Variants in WWOX observed in about 807,000 individuals in gnomAD.
WWOX encodes the protein WW domain containing oxidoreductase, also known as WW domain-containing oxidoreductase.
Under a neutral mutation model 46.2 loss-of-function variants are expected in WWOX, and 69 were observed. That is an observed-to-expected ratio of 1.49 (90% CI 1.23 to 1.82). The LOEUF (loss-of-function observed/expected upper bound fraction) is 1.82, where lower values mean the gene tolerates loss of function less well. Among genes scored for constraint, WWOX ranks in the 40% most tolerant of loss-of-function variants. The pLI, the probability that WWOX is intolerant of heterozygous loss-of-function variation, is 0.00. For missense variants in WWOX, 919 were observed against 542.6 expected (o/e 1.69, Z -6.89); for synonymous variants, 359 against 202.6 (o/e 1.77, Z -6.56).
chr16:78,293,321 G>A (rs895661044), intron 5 of WWOX, among the ~76,000 whole-genome samples: 3 of 152,186 alleles, frequency 2.0e-5, no homozygotes, highest in African/African-American at 7.2e-5. Context: ...CAGGCATTAA[G>A]GGTTGATTAT....
chr16:79,060,649 T>A (rs1344142235), intron 8 of WWOX, among the ~76,000 whole-genome samples: 1 of 152,254 alleles, frequency 6.6e-6, no homozygotes, highest in Admixed American at 6.5e-5. Context: ...TATTTTCTAG[T>A]CTCATTTTGT....
At chr16:78,240,387 C>G (rs543357762) in intron 5 of WWOX, among the ~76,000 whole-genome samples, 2 of 152,206 alleles carry the variant, frequency 1.3e-5, no homozygotes, top group East Asian at 1.9e-4. Flanking sequence ...TCTGTGAAGT[C>G]AGAGGCAGAG....
chr16:79,040,495 C>T (rs754447068), intron 8 of WWOX, among the ~76,000 whole-genome samples: 2 of 151,984 alleles, frequency 1.3e-5, no homozygotes, highest in African/African-American at 2.4e-5. Flanking sequence ...AGGCTGGTCT[C>T]GAACTCCTGA....
At chr16:78,379,611 C>G (rs1431223180) in intron 5 of WWOX, among the ~76,000 whole-genome samples, 1 of 152,192 alleles carries the variant, frequency 6.6e-6, no homozygotes, top group African/African-American at 2.4e-5. Flanking sequence ...GCAAGGCCCA[C>G]ATGCACAAGA....
At chr16:79,177,109 T>C (rs1286772308) in intron 8 of WWOX, among the ~76,000 whole-genome samples, 1 of 152,236 alleles carries the variant, frequency 6.6e-6, no homozygotes, top group Non-Finnish European at 1.5e-5. Context: ...TCACACTCAG[T>C]GCACAAGTCC....
intron 8 of WWOX, among the ~76,000 whole-genome samples, chr16:78,716,983 C>G (rs981547700): frequency 1.3e-5 from 2 of 152,238 alleles, no homozygotes; most frequent in Admixed American, 1.3e-4. Context: ...TGTTCTCAGT[C>G]GTAAAATTAG....
intron 5 of WWOX, among the ~76,000 whole-genome samples, chr16:78,374,123 A>T (rs531037717): frequency 6.6e-5 from 10 of 152,130 alleles, no homozygotes; most frequent in African/African-American, 2.4e-4. Context: ...ATTTCTTTTT[A>T]TCTGAGTTAC....
chr16:78,937,448 CTTTTTTTTT>C (rs537642648), intron 8 of WWOX, among the ~76,000 whole-genome samples: 10 of 81,988 alleles, frequency 1.2e-4, no homozygotes, highest in African/African-American at 1.6e-4. Flanking sequence ...TTTGTATTAA[CTTTTTTTTT>C]TTTTTTTTTT....
At chr16:78,205,978 C>T (rs993773500) in intron 5 of WWOX, among the ~76,000 whole-genome samples, 13 of 150,258 alleles carry the variant, frequency 8.7e-5, no homozygotes, top group Non-Finnish European at 1.3e-4. Flanking sequence ...CCTTTCTTTC[C>T]TCCCTCCCTT....
chr16:78,107,730 G>C (rs1309154998), intron 1 of WWOX, among the ~76,000 whole-genome samples: 9 of 152,166 alleles, frequency 5.9e-5, no homozygotes, highest in Admixed American at 1.3e-4. Context: ...AGCCACTCAA[G>C]AGGCTGAAAT....
chr16:79,139,926 C>G (rs2050056973), intron 8 of WWOX, among the ~76,000 whole-genome samples: 1 of 152,222 alleles, frequency 6.6e-6, no homozygotes, highest in South Asian at 2.1e-4. Flanking sequence ...AGTTGTAATT[C>G]TCCAAATACG....
intron 8 of WWOX, among the ~76,000 whole-genome samples, chr16:79,044,473 T>G (rs558044850): frequency 7.1e-4 from 108 of 152,226 alleles, no homozygotes; most frequent in Non-Finnish European, 1.5e-3. Context: ...TTTAAAAATG[T>G]GTGGCACAGC....
At chr16:79,085,827 C>G (rs561701692) in intron 8 of WWOX, among the ~76,000 whole-genome samples, 8 of 152,252 alleles carry the variant, frequency 5.3e-5, no homozygotes, top group African/African-American at 1.9e-4. Context: ...TGGAGGATCA[C>G]TTGAGGCCAG....
chr16:78,743,692 C>T (rs971910852), intron 8 of WWOX, among the ~76,000 whole-genome samples: 5 of 152,086 alleles, frequency 3.3e-5, no homozygotes, highest in East Asian at 1.9e-4. Context: ...ACCATTCAGC[C>T]GTTTGCATAG....
Position 78,408,436 on chromosome 16 carries a change from C to A in WWOX, c.606-16434C>A, listed in dbSNP as rs150169881. On this transcript the variant is annotated intron_variant, in intron 6 of 8. Transcript: ENST00000566780. ...GAACCACCCCCACCACATTCCCTCTCCACTGAGAGTTTTCCTTTTAGTTAA... is the reference window on the plus strand; with the variant it reads ...GAACCACCCCCACCACATTCCCTCTACACTGAGAGTTTTCCTTTTAGTTAA... Among the ~76,000 whole-genome samples, 1,180 of 152,292 alleles carry A rather than the reference C, an allele frequency of 7.7e-3. 11 individuals carry two copies. The highest frequency in any genetic ancestry group is 0.015 in the South Asian group (73 of 4,822).
At chr16:78,159,778 TG>T (rs1440929198) in intron 4 of WWOX, among the ~76,000 whole-genome samples, 2 of 151,880 alleles carry the variant, frequency 1.3e-5, no homozygotes, top group Non-Finnish European at 2.9e-5. Context: ...TTTACTATTT[TG>T]TAGCTTGCCC....
rs527558110 is a variant in WWOX at position 78,465,556 on chromosome 16, G to A, written c.1056+32804G>A. ...AAAATGTTGGGCAATGTCCCTGAATGATACCTTTTCATTAGTAACTCACAT... is the reference window on the plus strand; with the variant it reads ...AAAATGTTGGGCAATGTCCCTGAATAATACCTTTTCATTAGTAACTCACAT... On this transcript the variant is annotated intron_variant, in intron 8 of 8. Transcript: ENST00000566780. Among the ~76,000 whole-genome samples, 30 of 152,300 alleles carry A rather than the reference G, an allele frequency of 2.0e-4. No homozygotes were observed. The South Asian group carries it at 4.1e-3, about 21-fold the overall frequency.
chr16:78,965,662 A>G (rs974353971), intron 8 of WWOX, among the ~76,000 whole-genome samples: 4 of 151,676 alleles, frequency 2.6e-5, no homozygotes, highest in Non-Finnish European at 4.4e-5. Flanking sequence ...GGCATAAACT[A>G]TGTTACTCAA....
intron 8 of WWOX, among the ~76,000 whole-genome samples, chr16:78,700,032 A>G (rs1290579656): frequency 6.6e-6 from 1 of 151,978 alleles, no homozygotes; most frequent in Non-Finnish European, 1.5e-5. Context: ...GATACTTACA[A>G]CATAGAAATG....
Sources: allele counts gnomAD v4.1 joint callset (sites outside exome capture counted in the v4.1 genomes callset), GRCh38; gene constraint gnomAD v4.1.1; transcripts MANE v1.5; gene names NCBI Gene and HGNC (gene_info 2026-07-23, HGNC 2026-07-21).